The following TRAPPC9 variants were observed in gnomAD, a reference collection of about 807,000 sequenced individuals.
TRAPPC9 encodes trafficking protein particle complex subunit 9, also known as IKK2 binding protein.
Under a neutral mutation model 124.0 loss-of-function variants are expected in TRAPPC9, and 83 were observed. That is an observed-to-expected ratio of 0.67 (90% CI 0.56 to 0.80). The LOEUF (loss-of-function observed/expected upper bound fraction) is 0.80. Among genes scored for constraint, TRAPPC9 ranks in the 30% least tolerant of loss-of-function variants. TRAPPC9 has a pLI of 0.00. For missense variants in TRAPPC9, 1,302 were observed against 1,508.3 expected (o/e 0.86, Z 2.27); for synonymous variants, 638 against 617.5 (o/e 1.03, Z -0.49).
intron 19 of TRAPPC9, among the ~76,000 whole-genome samples, chr8:139,958,204 T>A (rs767733547): frequency 1.4e-4 from 22 of 152,182 alleles, no homozygotes; most frequent in Admixed American, 9.2e-4. Context: ...CCCCTGAGCT[T>A]CCAGGTCCCA....
chr8:140,408,897 T>G (rs142504034), intron 5 of TRAPPC9, among the ~76,000 whole-genome samples: 3 of 150,604 alleles, frequency 2.0e-5, no homozygotes, highest in Non-Finnish European at 4.4e-5. Context: ...CAGAAAACCA[T>G]AGTTCAAAAA....
chr8:140,420,256 T>C (rs2070153771), intron 5 of TRAPPC9, among the ~76,000 whole-genome samples: 1 of 152,118 alleles, frequency 6.6e-6, no homozygotes, highest in African/African-American at 2.4e-5. Flanking sequence ...GATTACAAGA[T>C]ATAATCTTCT....
At chr8:140,336,204 T>A (rs1306251105) in intron 9 of TRAPPC9, among the ~76,000 whole-genome samples, 1 of 152,200 alleles carries the variant, frequency 6.6e-6, no homozygotes, top group Non-Finnish European at 1.5e-5. Flanking sequence ...GTCCCTGAGG[T>A]CACGGGACTT....
At chr8:139,750,851 C>G (rs1202128266) in intron 21 of TRAPPC9, among the ~76,000 whole-genome samples, 1 of 152,188 alleles carries the variant, frequency 6.6e-6, no homozygotes, top group Non-Finnish European at 1.5e-5. Flanking sequence ...CCATTTGTTT[C>G]CTGGAGCAGC....
chr8:140,219,360 G>A (rs2063278489), intron 17 of TRAPPC9, among the ~76,000 whole-genome samples: 1 of 152,174 alleles, frequency 6.6e-6, no homozygotes. Flanking sequence ...ATAGCCGCTT[G>A]AACGTTACAA....
intron 15 of TRAPPC9, among the ~76,000 whole-genome samples, chr8:140,269,628 T>C (rs2064814572): frequency 6.6e-6 from 1 of 152,134 alleles, no homozygotes; most frequent in Admixed American, 6.5e-5. Context: ...TGGATAGATA[T>C]GTAATAAGGC....
chr8:140,302,502 G>T (rs2066008504), intron 10 of TRAPPC9, among the ~76,000 whole-genome samples: 1 of 152,186 alleles, frequency 6.6e-6, no homozygotes, highest in African/African-American at 2.4e-5. Flanking sequence ...GAAGTCCAGG[G>T]ATAAAGTGTC....
intron 3 of TRAPPC9, among the ~76,000 whole-genome samples, chr8:140,436,241 G>A (rs2070809453): frequency 6.6e-6 from 1 of 152,114 alleles, no homozygotes; most frequent in African/African-American, 2.4e-5. Flanking sequence ...AGCTACTCGG[G>A]AGGCTGAGGC....
intron 17 of TRAPPC9, among the ~76,000 whole-genome samples, chr8:140,070,037 G>A (rs891592535): frequency 3.9e-5 from 6 of 152,132 alleles, no homozygotes; most frequent in South Asian, 2.1e-4. Context: ...CCACACTGAC[G>A]GTGGATCTTC....
At chr8:140,007,470 A>G (rs542183939) in intron 18 of TRAPPC9, among the ~76,000 whole-genome samples, 2 of 152,388 alleles carry the variant, frequency 1.3e-5, no homozygotes, top group East Asian at 1.9e-4. Flanking sequence ...GTAGAAAAGT[A>G]CTTGCAAATA....
In TRAPPC9 at chr8:139,997,863, ACAATGCATCCCACACAGGGGAG is replaced by A. The variant is rs1838134262; in HGVS notation, c.2700-9049_2700-9028del. On this transcript the variant is annotated intron_variant, in intron 18 of 22. Coordinates refer to ENST00000438773, the MANE Select transcript of TRAPPC9 (RefSeq NM_001160372.4). Reference sequence around the variant, plus strand: ...AGACAATGCATCCCACACAGGAGAGACAATGCATCCCACACAGGGGAGACAATGCATCCCACACAGGGGAGAC... The same window carrying A: ...AGACAATGCATCCCACACAGGAGAGAACAATGCATCCCACACAGGGGAGAC... Among the ~76,000 whole-genome samples the A allele has an allele frequency of 2.2e-5, 3 of 137,946 alleles. 1 individual carries two copies. The highest frequency in any genetic ancestry group is 8.0e-5 in the African/African-American group (3 of 37,434). The allele number at this position is 137,946 out of a possible 152,430, so 90.5% of individuals were successfully genotyped here. A position where few individuals can be genotyped will look rare whatever the true frequency, so the allele number is the denominator to read the frequency against.
chr8:140,425,401 C>G (rs1211122793), intron 5 of TRAPPC9, among the ~76,000 whole-genome samples: 1 of 152,192 alleles, frequency 6.6e-6, no homozygotes, highest in Non-Finnish European at 1.5e-5. Context: ...ACAGCAGAAC[C>G]TTGATGCACC....
intron 17 of TRAPPC9, among the ~76,000 whole-genome samples, chr8:140,162,451 A>AGT (rs917916914): frequency 6.6e-6 from 1 of 152,248 alleles, no homozygotes; most frequent in Admixed American, 6.5e-5. Flanking sequence ...CCTTAAGGAC[A>AGT]GTACCTATCT....
At chr8:140,220,324 G>C (rs2063308611) in intron 17 of TRAPPC9, among the ~76,000 whole-genome samples, 2 of 152,282 alleles carry the variant, frequency 1.3e-5, no homozygotes, top group Non-Finnish European at 2.9e-5. Context: ...GTAGCTCCGT[G>C]CATGTGCCGT....
chr8:139,922,699 A>G (rs1832587480), intron 19 of TRAPPC9, among the ~76,000 whole-genome samples: 1 of 152,242 alleles, frequency 6.6e-6, no homozygotes, highest in Admixed American at 6.5e-5. Context: ...CCCAGAGGCC[A>G]AAGCCCAGGA....
intron 21 of TRAPPC9, among the ~76,000 whole-genome samples, chr8:139,806,417 C>T (rs970324009): frequency 1.3e-5 from 2 of 152,208 alleles, no homozygotes; most frequent in Admixed American, 6.5e-5. Flanking sequence ...AACGCAGGCA[C>T]ATGATCTTGG....
chr8:140,308,952 C>A (rs2066216933), intron 10 of TRAPPC9, among the ~76,000 whole-genome samples: 1 of 151,986 alleles, frequency 6.6e-6, no homozygotes, highest in South Asian at 2.1e-4. Context: ...GGATGCCAGG[C>A]AAGACTCAGC....
At chr8:140,155,206 G>A (rs182592468) in intron 17 of TRAPPC9, among the ~76,000 whole-genome samples, 8 of 152,282 alleles carry the variant, frequency 5.3e-5, no homozygotes, top group Non-Finnish European at 7.4e-5. Context: ...TTTCTCCACC[G>A]GGGCCATTTG....
intron 19 of TRAPPC9, among the ~76,000 whole-genome samples, chr8:139,968,416 G>T (rs533708006): frequency 6.6e-6 from 1 of 152,174 alleles, no homozygotes; most frequent in Admixed American, 6.5e-5. Context: ...GGATCTCAGA[G>T]AGCTCCAAGA....
Sources: allele counts gnomAD v4.1 joint callset (sites outside exome capture counted in the v4.1 genomes callset), GRCh38; gene constraint gnomAD v4.1.1; transcripts MANE v1.5; gene names NCBI Gene and HGNC (gene_info 2026-07-23, HGNC 2026-07-21).